The following TENM3 variants were observed in gnomAD, a reference collection of about 807,000 sequenced individuals.
The protein encoded by TENM3 is teneurin transmembrane protein 3, also known as teneurin-3.
TENM3 carries 63 observed loss-of-function variants against 255.1 expected under a neutral mutation model. That is an observed-to-expected ratio of 0.25 (90% CI 0.20 to 0.30). The LOEUF is 0.30. Ranked by LOEUF, TENM3 falls within the 10% of genes least tolerant of loss-of-function variation. The pLI is 1.00. For synonymous variants in TENM3, 1,306 were observed against 1,322.3 expected (o/e 0.99, Z 0.27); for missense variants, 2,929 against 3,461.1 (o/e 0.85, Z 3.86).
chr4:181,853,972 G>C, the TENM3 span, among the ~76,000 whole-genome samples: 1 of 152,186 alleles, frequency 6.6e-6, no homozygotes, highest in Non-Finnish European at 1.5e-5. Context: ...TTTTTTAAAT[G>C]TTTTATTCAC....
At chr4:181,859,668 T>G in the TENM3 span, among the ~76,000 whole-genome samples, 2 of 152,222 alleles carry the variant, frequency 1.3e-5, no homozygotes, top group Non-Finnish European at 2.9e-5. Context: ...ACCAATGTAC[T>G]TTGACAACCA....
chr4:181,650,955 A>C, the TENM3 span, among the ~76,000 whole-genome samples: 1 of 152,204 alleles, frequency 6.6e-6, no homozygotes, highest in African/African-American at 2.4e-5. Flanking sequence ...TAAAGTCCTA[A>C]GTGTTCAGCT....
the TENM3 span, among the ~76,000 whole-genome samples, chr4:181,920,496 A>T: frequency 4.5e-4 from 68 of 152,058 alleles, no homozygotes; most frequent in African/African-American, 1.5e-3. Context: ...GATGGTGAGC[A>T]TTTTTTCATG....
intron 3 of TENM3, among the ~76,000 whole-genome samples, chr4:182,587,079 G>T (rs1398173545): frequency 6.9e-6 from 1 of 144,170 alleles, no homozygotes; most frequent in Non-Finnish European, 1.5e-5. Context: ...TTATAAAACA[G>T]ATCAGTTTTC....
chr4:181,767,629 G>C, the TENM3 span, among the ~76,000 whole-genome samples: 1 of 152,104 alleles, frequency 6.6e-6, no homozygotes, highest in Non-Finnish European at 1.5e-5. Context: ...CTATTCCAGA[G>C]AGTCTTACTC....
At chr4:181,511,563 G>C in the TENM3 span, among the ~76,000 whole-genome samples, 1 of 152,172 alleles carries the variant, frequency 6.6e-6, no homozygotes, top group Non-Finnish European at 1.5e-5. Context: ...TCTTCACTCT[G>C]AGAGCCATGT....
At chr4:182,088,118 G>A in the TENM3 span, among the ~76,000 whole-genome samples, 8 of 152,192 alleles carry the variant, frequency 5.3e-5, no homozygotes, top group East Asian at 3.9e-4. Context: ...ATACACACAC[G>A]TTTCTAAAAA....
chr4:182,799,598 C>T lies in TENM3; in HGVS notation c.7347C>T (p.Pro2449=), dbSNP rs577257473. The part of the protein sequence containing the change: ...VKSQQWDDIP[P]IFGVQQQVAR... ...CCCCTCTTTTGTTTCGCCCGCAGCC[C>T]ATCTTCGGAGTCCAGCAGCAAGTGG... Residue 2449 remains proline (P), a splice_region_variant and synonymous_variant, in exon 28 of 28, where the codon CCC becomes CCT. Coordinates refer to ENST00000511685, the MANE Select transcript of TENM3 (RefSeq NM_001080477.4). This position sits in a 1 kb window ranked among gnomAD's most constrained non-coding sequence, Gnocchi z 4.2. The T allele has an allele frequency of 4.0e-5, 61 of 1,538,520 alleles. No individual in the cohort carries two copies. In the South Asian group the frequency reaches 6.8e-4, roughly 17 times the overall value.
At chr4:182,100,788 TATATATACACATATATATACAC>T in the TENM3 span, among the ~76,000 whole-genome samples, 1 of 2,156 alleles carries the variant, frequency 4.6e-4, no homozygotes, top group African/African-American at 6.5e-4. Flanking sequence ...TATATACACA[TATATATACACATATATATACAC>T]ATATATATAC....
intron 20 of TENM3, among the ~76,000 whole-genome samples, chr4:182,753,136 C>A: frequency 6.6e-6 from 1 of 151,982 alleles, no homozygotes; most frequent in East Asian, 1.9e-4. Flanking sequence ...TTAGTAGAGA[C>A]AGGGTTTCAC....
the TENM3 span, among the ~76,000 whole-genome samples, chr4:181,573,522 A>G: frequency 6.6e-6 from 1 of 152,210 alleles, no homozygotes; most frequent in Non-Finnish European, 1.5e-5. Flanking sequence ...TAATAATGAT[A>G]TAAACTGTAA....
intron 3 of TENM3, among the ~76,000 whole-genome samples, chr4:182,559,694 G>A (rs76825693): frequency 0.032 from 4,934 of 151,998 alleles, 165 homozygotes; most frequent in East Asian, 0.05. Flanking sequence ...GTCATTTTAA[G>A]CTTTATTTCA....
chr4:181,870,648 T>C, the TENM3 span, among the ~76,000 whole-genome samples: 1 of 152,152 alleles, frequency 6.6e-6, no homozygotes, highest in Admixed American at 6.5e-5. Flanking sequence ...TTTTAAAGTA[T>C]CTTTTGGGTA....
chr4:182,799,263 G>T lies in TENM3; in HGVS notation c.7345-333G>T, dbSNP rs887533312. On this transcript the variant is annotated intron_variant, in intron 27 of 27. Coordinates refer to ENST00000511685, the MANE Select transcript of TENM3 (RefSeq NM_001080477.4). This position sits in a 1 kb window ranked among gnomAD's most constrained non-coding sequence, Gnocchi z 4.2. ...GAGCATGCAGATCCGGATGAGCTGGGTTCCCCACGTGGGGTGGGAGTGGGA... is the reference window on the plus strand; with the variant it reads ...GAGCATGCAGATCCGGATGAGCTGGTTTCCCCACGTGGGGTGGGAGTGGGA... Among the ~76,000 whole-genome samples the T allele has an allele frequency of 9.2e-5, 14 of 152,368 alleles. No homozygotes were observed. Among genetic ancestry groups the T allele is most frequent in the Admixed American group, 5.2e-4 (8 of 15,306 alleles).
At chr4:182,229,088 C>G (rs1028017323) in intron 1 of TENM3, among the ~76,000 whole-genome samples, 5 of 152,122 alleles carry the variant, frequency 3.3e-5, no homozygotes, top group Non-Finnish European at 7.3e-5. Context: ...TATTTTGTTT[C>G]CTTGCACTTC....
At chr4:182,153,130 T>C (rs1321650178) in intron 1 of TENM3, among the ~76,000 whole-genome samples, 1 of 151,916 alleles carries the variant, frequency 6.6e-6, no homozygotes, top group African/African-American at 2.4e-5. Flanking sequence ...AATTAAAAAA[T>C]ATTAGTAATC....
intron 3 of TENM3, among the ~76,000 whole-genome samples, chr4:182,367,616 G>A (rs1475122888): frequency 6.6e-6 from 1 of 152,162 alleles, no homozygotes; most frequent in Non-Finnish European, 1.5e-5. Flanking sequence ...GCTTTTGGGT[G>A]CAGAACCTGG....
the TENM3 span, among the ~76,000 whole-genome samples, chr4:181,562,545 T>C: frequency 4.7e-4 from 71 of 152,316 alleles, no homozygotes; most frequent in Middle Eastern, 0.01. Context: ...TTTTCCATCA[T>C]GTTGCTTCTC....
At chr4:181,836,817 G>A in the TENM3 span, among the ~76,000 whole-genome samples, 1 of 152,158 alleles carries the variant, frequency 6.6e-6, no homozygotes, top group East Asian at 1.9e-4. Flanking sequence ...TTCTTTGGGG[G>A]AGGGTAGGTT....
Sources: allele counts gnomAD v4.1 joint callset (sites outside exome capture counted in the v4.1 genomes callset), GRCh38; gene constraint gnomAD v4.1.1; non-coding constraint Gnocchi (gnomAD v3.1); transcripts MANE v1.5; gene names NCBI Gene and HGNC (gene_info 2026-07-23, HGNC 2026-07-21).